PTPRT: variants seen among roughly 807,000 people sequenced by gnomAD.
PTPRT encodes protein tyrosine phosphatase receptor type T.
PTPRT carries 56 observed loss-of-function variants against 176.8 expected under a neutral mutation model. That is an observed-to-expected ratio of 0.32 (90% confidence interval 0.26 to 0.40). The LOEUF (loss-of-function observed/expected upper bound fraction) is 0.40, where lower values mean the gene tolerates loss of function less well. Ranked by LOEUF, PTPRT falls within the 10% of genes least tolerant of loss-of-function variation. The probability of loss-of-function intolerance (pLI) is 1.00; values close to 1 mark genes in which losing one functional copy is unlikely to be tolerated. For synonymous variants in PTPRT, 783 were observed against 739.0 expected (o/e 1.06, Z -0.96); for missense variants, 1,540 against 1,908.2 (o/e 0.81, Z 3.60).
At chr20:42,296,380 G>A (rs566879062) in intron 12 of PTPRT, among the ~76,000 whole-genome samples, 3 of 151,686 alleles carry the variant, frequency 2.0e-5, no homozygotes, top group Non-Finnish European at 2.9e-5. Context: ...TGGGAGGCAC[G>A]GTTTGCAGTG....
intron 11 of PTPRT, among the ~76,000 whole-genome samples, chr20:42,334,254 G>A (rs1204516494): frequency 6.6e-6 from 1 of 152,050 alleles, no homozygotes; most frequent in Non-Finnish European, 1.5e-5. Context: ...ATGTTCAGCA[G>A]GATCCCTGAC....
chr20:42,463,355 T>G (rs2071052505), intron 8 of PTPRT, among the ~76,000 whole-genome samples: 1 of 152,160 alleles, frequency 6.6e-6, no homozygotes, highest in African/African-American at 2.4e-5. Flanking sequence ...GAACTTTCCA[T>G]CCTTTTGACA....
intron 11 of PTPRT, among the ~76,000 whole-genome samples, chr20:42,339,013 C>T (rs143865856): frequency 2.4e-3 from 363 of 152,248 alleles, no homozygotes; most frequent in African/African-American, 8.3e-3. Context: ...AGCTGAGTGA[C>T]GCGTGCATAT....
At chr20:42,314,526 CAAAAA>C (rs386393782) in intron 12 of PTPRT, among the ~76,000 whole-genome samples, 2 of 102,314 alleles carry the variant, frequency 2.0e-5, no homozygotes, top group East Asian at 3.1e-4. Flanking sequence ...GAGACTGTGT[CAAAAA>C]AAAAAAAAAA....
At chr20:42,123,500 T>C (rs115117956) in intron 19 of PTPRT, among the ~76,000 whole-genome samples, 17 of 152,316 alleles carry the variant, frequency 1.1e-4, no homozygotes, top group South Asian at 4.1e-4. Flanking sequence ...CCCATGGGAA[T>C]TGAACAGCCA....
intron 12 of PTPRT, among the ~76,000 whole-genome samples, chr20:42,291,678 A>T (rs192651572): frequency 1.4e-3 from 211 of 152,242 alleles, no homozygotes; most frequent in African/African-American, 4.9e-3. Context: ...AGACTCAGAC[A>T]CAGACATGCA....
intron 11 of PTPRT, among the ~76,000 whole-genome samples, chr20:42,338,399 A>G (rs1223411236): frequency 6.6e-6 from 1 of 152,150 alleles, no homozygotes; most frequent in Non-Finnish European, 1.5e-5. Context: ...TGGAAATATG[A>G]TGGCTGTTGT....
chr20:43,094,776 C>G (rs745840797), intron 1 of PTPRT, among the ~76,000 whole-genome samples: 4 of 152,160 alleles, frequency 2.6e-5, no homozygotes, highest in Non-Finnish European at 5.9e-5. Context: ...CCTCATCTGT[C>G]TACACATGGC....
At chr20:42,681,589 T>C (rs1485876908) in intron 6 of PTPRT, among the ~76,000 whole-genome samples, 1 of 152,224 alleles carries the variant, frequency 6.6e-6, no homozygotes, top group Non-Finnish European at 1.5e-5. Flanking sequence ...TGGACACTCA[T>C]TCATTCACTC....
chr20:42,560,668 A>C (rs942095908), intron 7 of PTPRT, among the ~76,000 whole-genome samples: 1 of 152,158 alleles, frequency 6.6e-6, no homozygotes, highest in Non-Finnish European at 1.5e-5. Flanking sequence ...GTAAGTGAAT[A>C]CTAGTATATG....
At chr20:42,113,941 C>G (rs181228486) in intron 22 of PTPRT, among the ~76,000 whole-genome samples, 2 of 152,268 alleles carry the variant, frequency 1.3e-5, no homozygotes, top group East Asian at 3.9e-4. Flanking sequence ...GGGGGAGCTT[C>G]CGGGGCAAAC....
chr20:42,046,152 C>T, the PTPRT span, among the ~76,000 whole-genome samples: 2 of 152,128 alleles, frequency 1.3e-5, no homozygotes, highest in African/African-American at 4.8e-5. Flanking sequence ...CTGGGAGCAC[C>T]CAAGGTCCAT....
chr20:42,274,278 T>C (rs1013545831), intron 13 of PTPRT, among the ~76,000 whole-genome samples: 3 of 152,220 alleles, frequency 2.0e-5, no homozygotes, highest in Non-Finnish European at 2.9e-5. Context: ...GCCACTTCCA[T>C]GCTTTCTCTT....
chr20:42,091,965 C>T (rs1006548528), intron 27 of PTPRT, among the ~76,000 whole-genome samples: 2 of 152,182 alleles, frequency 1.3e-5, no homozygotes, highest in Non-Finnish European at 2.9e-5. Context: ...AGTTTAGGAA[C>T]TTACCTACAG....
At chr20:43,145,133 T>G (rs1461658940) in intron 1 of PTPRT, among the ~76,000 whole-genome samples, 1 of 152,244 alleles carries the variant, frequency 6.6e-6, no homozygotes, top group Non-Finnish European at 1.5e-5. Flanking sequence ...TTCTGCCCAT[T>G]TATCTGTCTC....
rs1156770289 is a variant in PTPRT at position 42,582,845 on chromosome 20, C to T, written c.1153+95021G>A. Among the ~76,000 whole-genome samples the T allele has an allele frequency of 3.3e-5, 5 of 152,106 alleles. No individual in the cohort carries two copies. The East Asian group carries it at 7.7e-4, about 23-fold the overall frequency. ...CCAAATTTGAGCTACAGATTTGAGC[C>T]CCAAATTAATCCCCAAATGGTTCTC... On this transcript the variant is annotated intron_variant, in intron 7 of 30. Transcript: ENST00000373187.
chr20:42,619,204 T>G (rs369763400), intron 7 of PTPRT, among the ~76,000 whole-genome samples: 24,708 of 138,912 alleles, frequency 0.18, 2,997 homozygotes, highest in African/African-American at 0.37. Flanking sequence ...TTATGAAGCT[T>G]AGTTTGGCTG....
intron 2 of PTPRT, among the ~76,000 whole-genome samples, chr20:42,858,207 A>T (rs2078598932): frequency 6.6e-6 from 1 of 152,192 alleles, no homozygotes; most frequent in Admixed American, 6.5e-5. Context: ...TTACTCTGAC[A>T]CTTGTTAAAA....
At chr20:42,886,869 C>T (rs956918343) in intron 1 of PTPRT, among the ~76,000 whole-genome samples, 5 of 152,120 alleles carry the variant, frequency 3.3e-5, no homozygotes, top group African/African-American at 1.2e-4. Flanking sequence ...GTGAACAGGG[C>T]TTTGAAGGAT....
Sources: allele counts gnomAD v4.1 joint callset (sites outside exome capture counted in the v4.1 genomes callset), GRCh38; gene constraint gnomAD v4.1.1; transcripts MANE v1.5; gene names NCBI Gene and HGNC (gene_info 2026-07-23, HGNC 2026-07-21).